Variants in ATRNL1 observed in about 807,000 individuals in gnomAD.
ATRNL1 encodes the protein attractin-like protein 1.
In ATRNL1, 95 loss-of-function variants were observed where a neutral mutation model predicts 182.7. The ratio of observed to expected loss-of-function variants is 0.52; its 90% confidence interval spans 0.44 to 0.62. ATRNL1 has a LOEUF of 0.62. ATRNL1 is among the 20% of genes least tolerant of loss of function. The pLI is 0.00. For missense variants in ATRNL1, 1,471 were observed against 1,679.5 expected (o/e 0.88, Z 2.17); for synonymous variants, 576 against 568.3 (o/e 1.01, Z -0.19).
chr10:115,793,991 A>T (rs1383506233), intron 27 of ATRNL1, among the ~76,000 whole-genome samples: 2 of 152,164 alleles, frequency 1.3e-5, no homozygotes, highest in Non-Finnish European at 2.9e-5. Context: ...AGCTTTATTG[A>T]TGGAAGACAA....
At chr10:115,594,572 T>G (rs2804210) in intron 26 of ATRNL1, among the ~76,000 whole-genome samples, 2 of 152,208 alleles carry the variant, frequency 1.3e-5, no homozygotes, top group African/African-American at 4.8e-5. Context: ...AGTGGCGCGA[T>G]CGTGGCTCAC....
intron 19 of ATRNL1, among the ~76,000 whole-genome samples, chr10:115,351,395 C>A (rs2134124488): frequency 6.6e-6 from 1 of 151,702 alleles, no homozygotes; most frequent in East Asian, 1.9e-4. Context: ...TTTTATATGA[C>A]CTTTATTGTT....
intron 27 of ATRNL1, among the ~76,000 whole-genome samples, chr10:115,749,797 T>A (rs72826860): frequency 0.045 from 6,876 of 151,982 alleles, 227 homozygotes; most frequent in Non-Finnish European, 0.071. Flanking sequence ...ATAAAAAAAA[T>A]TAAATTTGAA....
At chr10:115,602,668 C>A (rs1555016335) in intron 26 of ATRNL1, among the ~76,000 whole-genome samples, 1 of 152,086 alleles carries the variant, frequency 6.6e-6, no homozygotes, top group Non-Finnish European at 1.5e-5. Flanking sequence ...TCGAGACCAT[C>A]CTGGCTAACA....
At chr10:115,103,574 T>C (rs530566519) in intron 1 of ATRNL1, among the ~76,000 whole-genome samples, 3 of 152,192 alleles carry the variant, frequency 2.0e-5, no homozygotes, top group Non-Finnish European at 2.9e-5. Context: ...CAATGCCTAA[T>C]AACCACATCA....
At chr10:115,234,481 A>G (rs969017933) in intron 9 of ATRNL1, among the ~76,000 whole-genome samples, 1 of 152,142 alleles carries the variant, frequency 6.6e-6, no homozygotes, top group Non-Finnish European at 1.5e-5. Context: ...TCAAATTTAG[A>G]AAATAACATG....
intron 28 of ATRNL1, among the ~76,000 whole-genome samples, chr10:115,918,059 G>T (rs552570846): frequency 1.0e-4 from 15 of 149,918 alleles, no homozygotes; most frequent in African/African-American, 3.2e-4. Flanking sequence ...TCAGATTTGT[G>T]TGATGTGTCC....
intron 28 of ATRNL1, among the ~76,000 whole-genome samples, chr10:115,913,995 G>A (rs1005824392): frequency 4.6e-5 from 7 of 152,134 alleles, no homozygotes; most frequent in African/African-American, 1.4e-4. Flanking sequence ...TAATCCCCAC[G>A]TTTTGGGGGA....
At chr10:115,811,440 G>A (rs902012958) in intron 27 of ATRNL1, among the ~76,000 whole-genome samples, 1 of 151,938 alleles carries the variant, frequency 6.6e-6, no homozygotes, top group African/African-American at 2.4e-5. Context: ...GGTGTATTCT[G>A]CTCTTGTATG....
chr10:115,915,366 C>G (rs941787722), intron 28 of ATRNL1, among the ~76,000 whole-genome samples: 1 of 151,774 alleles, frequency 6.6e-6, no homozygotes, highest in African/African-American at 2.4e-5. Flanking sequence ...CCACTGCACT[C>G]CAGCCTAGGC....
intron 25 of ATRNL1, among the ~76,000 whole-genome samples, chr10:115,530,149 T>C (rs1185204160): frequency 4.6e-5 from 7 of 152,206 alleles, no homozygotes; most frequent in Admixed American, 2.6e-4. Flanking sequence ...AGTTCTTTCT[T>C]CTTTTTCACT....
intron 20 of ATRNL1, among the ~76,000 whole-genome samples, chr10:115,416,379 T>G (rs973241237): frequency 3.3e-5 from 5 of 152,156 alleles, no homozygotes; most frequent in African/African-American, 1.2e-4. Context: ...TTGAAAACCA[T>G]TTTAATACAT....
intron 16 of ATRNL1, 50 bp downstream of exon 16, chr10:115,300,297 A>T: frequency 6.9e-7 from 1 of 1,456,148 alleles, no homozygotes; most frequent in Non-Finnish European, 9.5e-7. Flanking sequence ...TTTCCCACCC[A>T]TCTTCTCATT....
intron 13 of ATRNL1, among the ~76,000 whole-genome samples, chr10:115,271,165 TACACACACAC>T (rs59638255): frequency 1.2e-4 from 18 of 146,022 alleles, no homozygotes; most frequent in African/African-American, 2.3e-4. Flanking sequence ...ACAAAGATAT[TACACACACAC>T]ACACACACAC....
intron 26 of ATRNL1, among the ~76,000 whole-genome samples, chr10:115,631,991 G>A (rs782488394): frequency 1.2e-4 from 18 of 152,092 alleles, no homozygotes; most frequent in Non-Finnish European, 2.4e-4. Context: ...TCATCACTGT[G>A]TTCATACTCT....
chr10:115,189,354 A>C (rs1175165527), intron 8 of ATRNL1, among the ~76,000 whole-genome samples: 3 of 151,938 alleles, frequency 2.0e-5, no homozygotes, highest in Admixed American at 6.6e-5. Context: ...AGAAAAAAAA[A>C]CTGTAAAATA....
At chr10:115,709,177 T>G (rs1267327389) in intron 26 of ATRNL1, among the ~76,000 whole-genome samples, 4 of 151,848 alleles carry the variant, frequency 2.6e-5, no homozygotes, top group Non-Finnish European at 5.9e-5. Flanking sequence ...TTATAATAAT[T>G]TGCATATTTA....
chr10:115,677,456 C>T (rs963965529), intron 26 of ATRNL1, among the ~76,000 whole-genome samples: 2 of 152,098 alleles, frequency 1.3e-5, no homozygotes, highest in South Asian at 2.1e-4. Context: ...AGAATTCCCA[C>T]GTGTTGTGGG....
chr10:115,875,508 C>T (rs1555107009), intron 28 of ATRNL1, among the ~76,000 whole-genome samples: 3 of 152,048 alleles, frequency 2.0e-5, no homozygotes, highest in Non-Finnish European at 4.4e-5. Context: ...AGAAATTCCC[C>T]AAACTAAGAC....
Sources: allele counts gnomAD v4.1 joint callset (sites outside exome capture counted in the v4.1 genomes callset), GRCh38; gene constraint gnomAD v4.1.1; transcripts MANE v1.5; gene names NCBI Gene and HGNC (gene_info 2026-07-23, HGNC 2026-07-21).